The following CCDC60 variants were observed in gnomAD, a reference collection of about 807,000 sequenced individuals.
The protein encoded by CCDC60 is coiled-coil domain-containing protein 60.
A neutral mutation model predicts 63.5 loss-of-function variants in CCDC60; 54 were observed. That is an observed-to-expected ratio of 0.85 (90% CI 0.68 to 1.07). The LOEUF (loss-of-function observed/expected upper bound fraction) is 1.07, where lower values mean the gene tolerates loss of function less well. CCDC60 is among the 50% of genes least tolerant of loss of function. The pLI is 0.00. For synonymous variants in CCDC60, 206 were observed against 238.8 expected, an observed-to-expected ratio of 0.86 and a Z score of 1.27; for missense variants, 651 against 684.3, an observed-to-expected ratio of 0.95 and a Z score of 0.54.
At chr12:119,487,297 CTTT>C (rs869080467) in intron 4 of CCDC60, among the ~76,000 whole-genome samples, 1 of 139,818 alleles carries the variant, frequency 7.2e-6, no homozygotes. Flanking sequence ...TTGTTGTGAG[CTTT>C]TTTTTTTTTT....
chr12:119,428,441 A>G (rs570037840), intron 1 of CCDC60, among the ~76,000 whole-genome samples: 1 of 152,296 alleles, frequency 6.6e-6, no homozygotes, highest in Non-Finnish European at 1.5e-5. Flanking sequence ...TCAAGGTCAC[A>G]CAGCTGGTCA....
chr12:119,516,642 G>C lies in CCDC60; in HGVS notation c.903G>C (p.Glu301Asp). The part of the protein sequence containing the change: ...PLYMNLQKLL[E>D]MVREDARRTV... ...CATCAGATCTGCAGAAGCTCCTGGA[G>C]ATGGTTCGGGAAGATGCCCGGAGGA... The change falls in exon 8 of 14, where the codon GAG becomes GAC. Residue 301 changes from glutamate to aspartate, a missense_variant. Transcript: ENST00000327554. 1 of 1,613,786 alleles carries C rather than the reference G, an allele frequency of 6.2e-7. No homozygotes were observed.
intron 13 of CCDC60, among the ~76,000 whole-genome samples, chr12:119,531,585 G>C (rs1256806200): frequency 6.6e-6 from 1 of 152,158 alleles, no homozygotes; most frequent in African/African-American, 2.4e-5. Flanking sequence ...ACCATGAAGA[G>C]AAAGGGAAAG....
intron 2 of CCDC60, among the ~76,000 whole-genome samples, chr12:119,431,901 G>A (rs1443522496): frequency 1.3e-5 from 2 of 152,074 alleles, no homozygotes; most frequent in Non-Finnish European, 2.9e-5. Flanking sequence ...GGATGATCTC[G>A]ATCTCCTGAC....
At chr12:119,451,079 CTT>C (rs1285687980) in intron 2 of CCDC60, among the ~76,000 whole-genome samples, 2 of 152,098 alleles carry the variant, frequency 1.3e-5, no homozygotes, top group Non-Finnish European at 2.9e-5. Context: ...GAATTGAAAA[CTT>C]TTGTTACTCA....
At chr12:119,458,877 G>C (rs574648417) in intron 2 of CCDC60, among the ~76,000 whole-genome samples, 24 of 152,088 alleles carry the variant, frequency 1.6e-4, no homozygotes, top group African/African-American at 5.5e-4. Flanking sequence ...CCCCCGAGTA[G>C]CTGGAATTAA....
chr12:119,509,193 C>T (rs1265480448), intron 7 of CCDC60, among the ~76,000 whole-genome samples: 3 of 152,166 alleles, frequency 2.0e-5, no homozygotes, highest in Non-Finnish European at 4.4e-5. Context: ...GGGGCACATA[C>T]GGAGATCCTC....
At chr12:119,396,472 T>C (rs558167018) in intron 1 of CCDC60, among the ~76,000 whole-genome samples, 297 of 152,180 alleles carry the variant, frequency 2.0e-3, no homozygotes, top group Middle Eastern at 3.4e-3. Flanking sequence ...GAATGGGTCA[T>C]GGATGCAGCA....
chr12:119,393,644 GACACAGGGAAA>G (rs2136202977), intron 1 of CCDC60, among the ~76,000 whole-genome samples: 1 of 152,312 alleles, frequency 6.6e-6, no homozygotes, highest in South Asian at 2.1e-4. Context: ...TGGAGAGCAA[GACACAGGGAAA>G]GCTTTGCAAA....
rs376334560 is a variant in CCDC60, at chr12:119,523,688, C to A, written c.1104-5C>A. ...TCCCCAAGCCCTTCTTATCTGTGTC[C>A]ACAGCCGCACTAATTGTGACATCAA... On this transcript the variant is annotated splice_region_variant and splice_polypyrimidine_tract_variant and intron_variant, in intron 10 of 13. Transcript: ENST00000327554. The A allele has an allele frequency of 1.3e-3, 2,120 of 1,613,940 alleles. 34 individuals carry two copies. In the South Asian group the frequency reaches 0.022, roughly 17 times the overall value.
At chr12:119,367,142 G>A (rs112960468) in intron 1 of CCDC60, among the ~76,000 whole-genome samples, 113 of 152,168 alleles carry the variant, frequency 7.4e-4, no homozygotes, top group Middle Eastern at 3.4e-3. Context: ...CTGAAAACAC[G>A]TATCATACTT....
intron 8 of CCDC60, among the ~76,000 whole-genome samples, chr12:119,519,266 T>C (rs1400390529): frequency 6.6e-6 from 1 of 151,974 alleles, no homozygotes; most frequent in Non-Finnish European, 1.5e-5. Flanking sequence ...CATCTGAAAA[T>C]ACAGCTTTTC....
At chr12:119,360,160 G>T (rs1955762536) in intron 1 of CCDC60, among the ~76,000 whole-genome samples, 1 of 150,616 alleles carries the variant, frequency 6.6e-6, no homozygotes, top group Non-Finnish European at 1.5e-5. Flanking sequence ...GCCGGGCGGG[G>T]GGCTGACCCC....
rs180803751 is a variant in CCDC60, at chr12:119,530,285, G to C, written c.1362-589G>C. 5.6e-4 allele frequency among the ~76,000 whole-genome samples: 83 copies of C among 149,214 alleles called. 1 individual carries two copies. Among genetic ancestry groups the C allele is most frequent in the Admixed American group, 5.5e-3 (83 of 15,004 alleles). Reference sequence around the variant, plus strand: ...TGAGGGAGTTTTTTTTTTTTTAAGAGATCTACCAGCCTTAAACCTGATCAC... The same window carrying C: ...TGAGGGAGTTTTTTTTTTTTTAAGACATCTACCAGCCTTAAACCTGATCAC... On this transcript the variant is annotated intron_variant, in intron 12 of 13. Coordinates refer to ENST00000327554, the MANE Select transcript of CCDC60 (RefSeq NM_178499.5).
chr12:119,408,850 A>G (rs1956542491), intron 1 of CCDC60, among the ~76,000 whole-genome samples: 1 of 152,042 alleles, frequency 6.6e-6, no homozygotes, highest in Admixed American at 6.6e-5. Context: ...AGTAATAGCA[A>G]TAACCGCAAT....
intron 2 of CCDC60, among the ~76,000 whole-genome samples, chr12:119,431,765 G>A (rs1462826733): frequency 3.9e-5 from 6 of 152,062 alleles, no homozygotes; most frequent in South Asian, 2.1e-4. Flanking sequence ...TGCAACCTCC[G>A]CCTCCCGGGT....
chr12:119,368,270 C>G (rs1955863932), intron 1 of CCDC60, among the ~76,000 whole-genome samples: 1 of 151,922 alleles, frequency 6.6e-6, no homozygotes, highest in Admixed American at 6.6e-5. Context: ...GAAGACGGCT[C>G]TGATGAAAGA....
At chr12:119,462,731 C>A (rs1701043694) in intron 2 of CCDC60, among the ~76,000 whole-genome samples, 1 of 152,164 alleles carries the variant, frequency 6.6e-6, no homozygotes, top group South Asian at 2.1e-4. Context: ...AGTGATCCTC[C>A]TGCCTCAGCC....
chr12:119,423,162 A>T (rs1956842691), intron 1 of CCDC60, among the ~76,000 whole-genome samples: 2 of 152,132 alleles, frequency 1.3e-5, no homozygotes, highest in African/African-American at 4.8e-5. Context: ...AATACCCTAG[A>T]ATCGTGATTT....
Sources: gnomAD v4.1 joint callset for allele counts (sites outside exome capture counted in the v4.1 genomes callset) on GRCh38, gnomAD v4.1.1 for gene constraint, MANE v1.5 for transcripts, NCBI Gene and HGNC (gene_info 2026-07-23, HGNC 2026-07-21) for gene names.